Variants in IMMP2L observed in about 807,000 individuals in gnomAD.
IMMP2L encodes the protein inner mitochondrial membrane peptidase subunit 2.
In IMMP2L, 18 loss-of-function variants were observed where a neutral mutation model predicts 19.3. The observed-to-expected ratio is 0.93, with a 90% CI of 0.64 to 1.38. The LOEUF (loss-of-function observed/expected upper bound fraction) is 1.38. Ranked by LOEUF, IMMP2L falls within the 40% of genes most tolerant of loss-of-function variation. The pLI, the probability that IMMP2L is intolerant of heterozygous loss-of-function variation, is 0.00. For missense variants in IMMP2L, 233 were observed against 218.2 expected (o/e 1.07, Z -0.43); for synonymous variants, 76 against 73.0 (o/e 1.04, Z -0.21).
rs1228616187 is a variant in IMMP2L, at chr7:111,016,839, T to A, written c.240-53274A>T. Among the ~76,000 whole-genome samples, 4 of 69,566 alleles carry A rather than the reference T, an allele frequency of 5.7e-5. No homozygotes were observed. In the East Asian group the frequency reaches 2.3e-3, roughly 40 times the overall value. 45.6% of individuals were successfully genotyped at this position (69,566 alleles called of 152,430 possible). A position where few individuals can be genotyped will look rare whatever the true frequency, so the allele number is the denominator to read the frequency against. Reference sequence around the variant, plus strand: ...TATTATATATAATATATAGTATATATTATATATAATATATATTATATAATA... The same window carrying A: ...TATTATATATAATATATAGTATATAATATATATAATATATATTATATAATA... On this transcript the variant is annotated intron_variant, in intron 3 of 5. Coordinates refer to ENST00000405709, the MANE Select transcript of IMMP2L (RefSeq NM_032549.4).
intron 5 of IMMP2L, among the ~76,000 whole-genome samples, chr7:110,772,374 C>T (rs1028171551): frequency 6.6e-6 from 1 of 152,126 alleles, no homozygotes; most frequent in African/African-American, 2.4e-5. Context: ...CAGCTCCTGC[C>T]TGCTGGACCC....
rs190932148 is a variant in IMMP2L, at chr7:111,085,257, G to A, written c.240-121692C>T. Among the ~76,000 whole-genome samples the A allele has an allele frequency of 4.3e-3, 662 of 152,218 alleles. 4 individuals carry two copies. Among genetic ancestry groups the A allele is most frequent in the African/African-American group, 0.015 (635 of 41,542 alleles). ...CTTTCATTAAAAGTAAGACCTTTGG[G>A]TATATACACAGTAATGGGATTGCTG... On this transcript the variant is annotated intron_variant, in intron 3 of 5. Coordinates refer to ENST00000405709, the MANE Select transcript of IMMP2L (RefSeq NM_032549.4).
intron 3 of IMMP2L, among the ~76,000 whole-genome samples, chr7:111,282,361 TA>T (rs1271835853): frequency 1.3e-5 from 2 of 152,176 alleles, no homozygotes; most frequent in Non-Finnish European, 2.9e-5. Flanking sequence ...AAGAGTATGG[TA>T]TTTGAACCAA....
intron 3 of IMMP2L, among the ~76,000 whole-genome samples, chr7:111,179,166 A>T (rs1261301843): frequency 6.6e-6 from 1 of 152,044 alleles, no homozygotes; most frequent in Non-Finnish European, 1.5e-5. Flanking sequence ...CTCTTAGATG[A>T]CCATGTGCAT....
chr7:110,683,082 C>T (rs1483940933), intron 5 of IMMP2L, among the ~76,000 whole-genome samples: 2 of 152,060 alleles, frequency 1.3e-5, no homozygotes, highest in African/African-American at 4.8e-5. Flanking sequence ...ATACTTCTAA[C>T]ATCACCTTTA....
chr7:110,702,070 C>T (rs915707847), intron 5 of IMMP2L, among the ~76,000 whole-genome samples: 1 of 151,982 alleles, frequency 6.6e-6, no homozygotes, highest in Non-Finnish European at 1.5e-5. Context: ...GGTAGGACTA[C>T]AGGTGCATGC....
intron 3 of IMMP2L, among the ~76,000 whole-genome samples, chr7:111,006,187 T>A (rs997937775): frequency 6.6e-6 from 1 of 152,150 alleles, no homozygotes; most frequent in Non-Finnish European, 1.5e-5. Flanking sequence ...TGATGATACA[T>A]AGATATGATC....
intron 5 of IMMP2L, among the ~76,000 whole-genome samples, chr7:110,876,851 C>T (rs1331620799): frequency 1.3e-5 from 2 of 152,172 alleles, no homozygotes; most frequent in South Asian, 2.1e-4. Context: ...TCTCCTGTTC[C>T]AAAATGTAAA....
intron 3 of IMMP2L, among the ~76,000 whole-genome samples, chr7:111,471,095 T>A (rs1157779807): frequency 5.9e-5 from 9 of 152,002 alleles, no homozygotes; most frequent in Non-Finnish European, 1.3e-4. Context: ...GATTTGAGAA[T>A]TTTTCCAAAG....
chr7:110,812,025 T>C (rs1173725538), intron 5 of IMMP2L, among the ~76,000 whole-genome samples: 2 of 152,066 alleles, frequency 1.3e-5, no homozygotes, highest in Non-Finnish European at 1.5e-5. Flanking sequence ...GTTTCATATG[T>C]ACTCGTCCAA....
At chr7:111,151,133 C>T (rs747868753) in intron 3 of IMMP2L, among the ~76,000 whole-genome samples, 1 of 152,200 alleles carries the variant, frequency 6.6e-6, no homozygotes, top group Non-Finnish European at 1.5e-5. Flanking sequence ...ATCTGTATAA[C>T]ATCTAGGCCA....
rs144407036 is a variant in IMMP2L, at chr7:111,170,069, A to T, written c.240-206504T>A. ...TACATTCATAAGCTGTTTTGTCTAT[A>T]CATATGCATACATTCAAGTAACAGT... On this transcript the variant is annotated intron_variant, in intron 3 of 5. Coordinates refer to ENST00000405709, the MANE Select transcript of IMMP2L (RefSeq NM_032549.4). 8.6e-3 allele frequency among the ~76,000 whole-genome samples: 1,303 copies of T among 152,066 alleles called. 9 individuals carry two copies. Among genetic ancestry groups the T allele is most frequent in the South Asian group, 0.024 (117 of 4,828 alleles).
chr7:111,340,461 T>C (rs1323997332), intron 3 of IMMP2L, among the ~76,000 whole-genome samples: 1 of 152,072 alleles, frequency 6.6e-6, no homozygotes, highest in East Asian at 1.9e-4. Context: ...GCCAATATGA[T>C]CCCTATTTCC....
chr7:110,871,489 C>G (rs150516351), intron 5 of IMMP2L, among the ~76,000 whole-genome samples: 5 of 152,184 alleles, frequency 3.3e-5, no homozygotes, highest in African/African-American at 1.2e-4. Flanking sequence ...ACATTCTCAA[C>G]ATATTTTAAA....
chr7:110,785,980 A>T (rs533250302), intron 5 of IMMP2L, among the ~76,000 whole-genome samples: 2 of 151,898 alleles, frequency 1.3e-5, no homozygotes, highest in Non-Finnish European at 2.9e-5. Context: ...ATTTTCTGCA[A>T]GCCAGTCCCA....
intron 3 of IMMP2L, among the ~76,000 whole-genome samples, chr7:111,310,507 C>G (rs1823398096): frequency 6.6e-6 from 1 of 152,062 alleles, no homozygotes. Context: ...TTAAGCCAAT[C>G]AAATACATAT....
At chr7:111,048,267 A>G (rs1377184902) in intron 3 of IMMP2L, among the ~76,000 whole-genome samples, 1 of 147,890 alleles carries the variant, frequency 6.8e-6, no homozygotes, top group Non-Finnish European at 1.5e-5. Flanking sequence ...AAAAAAAAAG[A>G]AAAAAAGAAA....
intron 3 of IMMP2L, among the ~76,000 whole-genome samples, chr7:111,259,142 G>GTAT (rs1175325459): frequency 6.6e-6 from 1 of 152,032 alleles, no homozygotes; most frequent in African/African-American, 2.4e-5. Flanking sequence ...TAAAAATCTG[G>GTAT]TATAAACGAT....
At chr7:111,479,751 T>C (rs1281352128) in intron 3 of IMMP2L, among the ~76,000 whole-genome samples, 1 of 152,284 alleles carries the variant, frequency 6.6e-6, no homozygotes. Context: ...CTAGATTATT[T>C]CAGAGTAAAA....
Sources: allele counts gnomAD v4.1 joint callset (sites outside exome capture counted in the v4.1 genomes callset), GRCh38; gene constraint gnomAD v4.1.1; transcripts MANE v1.5; gene names NCBI Gene and HGNC (gene_info 2026-07-23, HGNC 2026-07-21).